Variants in KCNIP4 observed in about 807,000 individuals in gnomAD.
The protein encoded by KCNIP4 is potassium voltage-gated channel interacting protein 4.
In KCNIP4, 12 loss-of-function variants were observed where a neutral mutation model predicts 34.0. The ratio of observed to expected loss-of-function variants is 0.35; its 90% CI spans 0.23 to 0.57. The LOEUF (loss-of-function observed/expected upper bound fraction) is 0.57. KCNIP4 is among the 20% of genes least tolerant of loss of function. KCNIP4 has a pLI of 0.83. For missense variants in KCNIP4, 238 were observed against 311.7 expected (o/e 0.76, Z 1.78); for synonymous variants, 124 against 102.2 (o/e 1.21, Z -1.29).
rs148722432 is a variant in KCNIP4, at chr4:21,208,699, T to C, written c.62-325990A>G. 2.6e-5 allele frequency among the ~76,000 whole-genome samples: 4 copies of C among 152,290 alleles called. No homozygotes were observed. In the East Asian group the frequency reaches 7.7e-4, roughly 29 times the overall value. On this transcript the variant is annotated intron_variant, in intron 1 of 8. Transcript: ENST00000382152. ...TGAAATTGCTCTTTTTCATCAGTCT[T>C]TAGTAATTAAACTCTTTTGTATTAG...
chr4:21,631,943 T>A (rs1745793761), intron 1 of KCNIP4, among the ~76,000 whole-genome samples: 1 of 152,216 alleles, frequency 6.6e-6, no homozygotes. Flanking sequence ...AAGCCACTAT[T>A]CCATCACCCT....
At chr4:21,034,612 C>T (rs781665446) in intron 1 of KCNIP4, among the ~76,000 whole-genome samples, 3 of 151,976 alleles carry the variant, frequency 2.0e-5, no homozygotes, top group Non-Finnish European at 4.4e-5. Flanking sequence ...AAATGATGGT[C>T]GAATGATGGT....
At chr4:20,825,552 T>C (rs182115359) in intron 3 of KCNIP4, among the ~76,000 whole-genome samples, 116 of 152,012 alleles carry the variant, frequency 7.6e-4, no homozygotes, top group Non-Finnish European at 9.1e-4. Flanking sequence ...TGGAAGAAAA[T>C]GTAGCTTTGG....
intron 1 of KCNIP4, among the ~76,000 whole-genome samples, chr4:21,608,141 C>T (rs1259201359): frequency 6.6e-6 from 1 of 152,134 alleles, no homozygotes; most frequent in Admixed American, 6.6e-5. Context: ...TCTACATTCC[C>T]TTTCTATTCC....
intron 1 of KCNIP4, among the ~76,000 whole-genome samples, chr4:21,596,828 G>A (rs555175973): frequency 2.0e-5 from 3 of 151,998 alleles, no homozygotes; most frequent in South Asian, 4.2e-4. Context: ...AGCTAAAAGC[G>A]AGGAAAGGAC....
chr4:21,526,075 A>C (rs1219125192), intron 1 of KCNIP4, among the ~76,000 whole-genome samples: 1 of 152,172 alleles, frequency 6.6e-6, no homozygotes, highest in Non-Finnish European at 1.5e-5. Flanking sequence ...GAAAGGATCC[A>C]TCATGAAAGG....
intron 3 of KCNIP4, among the ~76,000 whole-genome samples, chr4:20,804,750 C>G (rs559752945): frequency 2.6e-5 from 4 of 152,138 alleles, no homozygotes; most frequent in Non-Finnish European, 5.9e-5. Context: ...TATTTATTTA[C>G]GGAATAAAAC....
At chr4:21,519,856 T>A (rs1018654573) in intron 1 of KCNIP4, among the ~76,000 whole-genome samples, 2 of 139,116 alleles carry the variant, frequency 1.4e-5, no homozygotes, top group East Asian at 4.2e-4. Context: ...TATATTTATA[T>A]ATTTATTTAT....
chr4:21,659,105 G>A (rs187146449), intron 1 of KCNIP4, among the ~76,000 whole-genome samples: 1 of 152,200 alleles, frequency 6.6e-6, no homozygotes, highest in Admixed American at 6.5e-5. Context: ...GCATTTTATG[G>A]TGTGATATTT....
At chr4:21,237,834 A>T (rs2109040634) in intron 1 of KCNIP4, among the ~76,000 whole-genome samples, 1 of 152,334 alleles carries the variant, frequency 6.6e-6, no homozygotes, top group East Asian at 1.9e-4. Flanking sequence ...TTCTGAAACT[A>T]TTCCAATCAA....
chr4:21,171,870 A>G (rs1334660994), intron 1 of KCNIP4, among the ~76,000 whole-genome samples: 3 of 152,210 alleles, frequency 2.0e-5, no homozygotes, highest in Non-Finnish European at 4.4e-5. Flanking sequence ...TGACATTTCT[A>G]TAAATACTTG....
chr4:20,791,268 G>A (rs959639285), intron 3 of KCNIP4, among the ~76,000 whole-genome samples: 5 of 152,064 alleles, frequency 3.3e-5, no homozygotes, highest in Non-Finnish European at 7.4e-5. Flanking sequence ...ACAGCTGAAA[G>A]ACATAACTTA....
At chr4:21,862,632 C>T (rs940252476) in intron 1 of KCNIP4, among the ~76,000 whole-genome samples, 1 of 152,094 alleles carries the variant, frequency 6.6e-6, no homozygotes, top group Non-Finnish European at 1.5e-5. Context: ...TGATGATTCC[C>T]AGCCAGATGG....
chr4:21,455,324 A>G (rs576130351), intron 1 of KCNIP4, among the ~76,000 whole-genome samples: 13 of 151,988 alleles, frequency 8.6e-5, no homozygotes, highest in Non-Finnish European at 1.8e-4. Flanking sequence ...AAGGGCATCT[A>G]TTACAGTCTT....
intron 1 of KCNIP4, among the ~76,000 whole-genome samples, chr4:21,924,239 A>AT (rs1729103563): frequency 8.3e-6 from 1 of 120,188 alleles, no homozygotes; most frequent in Non-Finnish European, 1.6e-5. Flanking sequence ...TAATGAATAT[A>AT]TTTCTTTTTT....
intron 1 of KCNIP4, among the ~76,000 whole-genome samples, chr4:21,868,349 C>G (rs1440627711): frequency 6.6e-6 from 1 of 151,346 alleles, no homozygotes; most frequent in Non-Finnish European, 1.5e-5. Flanking sequence ...TATATTGTAC[C>G]CCATAAATAT....
intron 1 of KCNIP4, among the ~76,000 whole-genome samples, chr4:21,415,383 A>G (rs1404645977): frequency 6.6e-6 from 1 of 152,088 alleles, no homozygotes; most frequent in Admixed American, 6.6e-5. Flanking sequence ...GTTGTACAAC[A>G]TTGTGCCTTT....
At chr4:21,908,703 A>G (rs990107337) in intron 1 of KCNIP4, among the ~76,000 whole-genome samples, 2 of 152,168 alleles carry the variant, frequency 1.3e-5, no homozygotes, top group Non-Finnish European at 2.9e-5. Flanking sequence ...AAGGTTTAGG[A>G]AGGATTTTAG....
At chr4:21,443,436 G>A (rs1337645722) in intron 1 of KCNIP4, among the ~76,000 whole-genome samples, 4 of 152,138 alleles carry the variant, frequency 2.6e-5, no homozygotes, top group Admixed American at 6.5e-5. Flanking sequence ...TGTCTTCACA[G>A]CCTAGACATT....
Sources: allele counts gnomAD v4.1 joint callset (sites outside exome capture counted in the v4.1 genomes callset), GRCh38; gene constraint gnomAD v4.1.1; transcripts MANE v1.5; gene names NCBI Gene and HGNC (gene_info 2026-07-23, HGNC 2026-07-21).